The following FRY variants were observed in gnomAD, a reference collection of about 807,000 sequenced individuals.
FRY encodes the protein protein furry homolog.
FRY carries 128 observed loss-of-function variants against 348.4 expected under a neutral mutation model. That is an observed-to-expected ratio of 0.37 (90% CI 0.32 to 0.43). FRY has a LOEUF of 0.43. Among genes scored for constraint, FRY ranks in the 20% least tolerant of loss-of-function variants. FRY has a pLI of 1.00. For synonymous variants in FRY, 1,370 were observed against 1,374.7 expected, an observed-to-expected ratio of 1.00 and a Z score of 0.08; for missense variants, 2,736 against 3,695.2, an observed-to-expected ratio of 0.74 and a Z score of 6.73.
chr13:32,230,573 G>T, intron 40 of FRY, among the ~76,000 whole-genome samples: 1 of 152,182 alleles, frequency 6.6e-6, no homozygotes, highest in East Asian at 1.9e-4. Context: ...GGGCATTTGG[G>T]CTGATTCCGT....
intron 1 of FRY, among the ~76,000 whole-genome samples, chr13:32,072,403 G>A (rs1874721604): frequency 6.6e-6 from 1 of 151,976 alleles, no homozygotes; most frequent in African/African-American, 2.4e-5. Context: ...ACTTCGTTAA[G>A]CAATCTTTTT....
intron 7 of FRY, among the ~76,000 whole-genome samples, chr13:32,127,115 A>G (rs1172651921): frequency 1.3e-5 from 2 of 152,166 alleles, no homozygotes; most frequent in East Asian, 1.9e-4. Context: ...AACAAATTTA[A>G]CTACTTTGGC....
At chr13:32,210,655 G>A (rs1473170266) in intron 33 of FRY, among the ~76,000 whole-genome samples, 1 of 152,156 alleles carries the variant, frequency 6.6e-6, no homozygotes, top group Non-Finnish European at 1.5e-5. Flanking sequence ...AAAGGTAAGG[G>A]CTTTAAGAAC....
chr13:32,289,791 TC>T (rs781540541), intron 59 of FRY, 48 bp downstream of exon 59: 27 of 954,320 alleles, frequency 2.8e-5, no homozygotes, highest in Non-Finnish European at 4.3e-5. Context: ...AAAAACCATT[TC>T]TTTTGTTCTT....
chr13:32,166,547 C>T (rs1881748654), intron 17 of FRY, among the ~76,000 whole-genome samples: 2 of 152,052 alleles, frequency 1.3e-5, no homozygotes, highest in African/African-American at 2.4e-5. Context: ...TATTTTTTTC[C>T]CGCTTTATAA....
Position 32,285,321 on chromosome 13 carries a change from C to A in FRY, c.8470-4312C>A, listed in dbSNP as rs572521480. Among the ~76,000 whole-genome samples, 3 of 152,234 alleles carry A rather than the reference C, an allele frequency of 2.0e-5. No homozygotes were observed. The East Asian group carries it at 5.8e-4, about 29-fold the overall frequency. On this transcript the variant is annotated intron_variant, in intron 58 of 60. Transcript: ENST00000542859. ...GGCTTTTTTCACTCTTTTTGGAACT[C>A]TAAATGCAAACTAGGTCCCAGCCTG...
chr13:32,210,754 C>A, intron 33 of FRY, 112 bp from the exon 34 acceptor site: 2 of 835,252 alleles, frequency 2.4e-6, no homozygotes, highest in African/African-American at 1.7e-5. Context: ...TTAGCTATCA[C>A]GGTGACAGCT....
chr13:32,173,517 C>G lies in FRY; in HGVS notation c.2302C>G (p.Arg768Gly), dbSNP rs17077179. Residue 768 changes from arginine (R) to glycine (G), a missense_variant, in exon 19 of 61, where the codon CGA (arginine) becomes GGA (glycine). This residue lies in a region of FRY where 449 missense variants were observed against 576.9 expected (regional missense o/e 0.78). Coordinates refer to ENST00000542859, the MANE Select transcript of FRY (RefSeq NM_023037.3). ...KLSVLILKEI[R>G]ALFIALGQPE... is the part of the protein sequence containing the mutation. Reference sequence around the variant, plus strand: ...GTCCGTTTTAATACTCAAGGAAATTCGAGCGTTGTTTATTGCCCTGGGGCA... The same window carrying G: ...GTCCGTTTTAATACTCAAGGAAATTGGAGCGTTGTTTATTGCCCTGGGGCA... 4 of 1,613,522 alleles carry G rather than the reference C, an allele frequency of 2.5e-6. No homozygotes were observed. Among genetic ancestry groups the G allele is most frequent in the Non-Finnish European group, 2.5e-6 (3 of 1,179,844 alleles).
At chr13:32,155,205 G>T (rs1047137171) in intron 14 of FRY, among the ~76,000 whole-genome samples, 1 of 152,078 alleles carries the variant, frequency 6.6e-6, no homozygotes, top group Admixed American at 6.5e-5. Flanking sequence ...ATATCTTTTA[G>T]AGATACACTC....
intron 47 of FRY, among the ~76,000 whole-genome samples, chr13:32,246,465 A>G (rs1886805984): frequency 1.3e-5 from 2 of 152,236 alleles, no homozygotes; most frequent in Admixed American, 1.3e-4. Flanking sequence ...AGGGCATAGC[A>G]TGAGTAAAGG....
chr13:32,079,654 A>T (rs1195348921), intron 2 of FRY, among the ~76,000 whole-genome samples: 2 of 152,188 alleles, frequency 1.3e-5, no homozygotes, highest in Admixed American at 1.3e-4. Flanking sequence ...GCTAGAAAAT[A>T]AGGCAGGCAT....
intron 28 of FRY, among the ~76,000 whole-genome samples, chr13:32,188,336 A>C (rs1883144817): frequency 6.6e-6 from 1 of 152,104 alleles, no homozygotes; most frequent in African/African-American, 2.4e-5. Context: ...CCTGAAGAAA[A>C]TTCGTGACTT....
chr13:32,254,100 A>G, intron 50 of FRY, 124 bp from the exon 51 acceptor site: 1 of 886,794 alleles, frequency 1.1e-6, no homozygotes, highest in Non-Finnish European at 1.9e-6. Flanking sequence ...CATTCTAAAA[A>G]TACCCACTGA....
At chr13:32,258,892 G>T (rs151146470) in intron 51 of FRY, among the ~76,000 whole-genome samples, 7 of 152,062 alleles carry the variant, frequency 4.6e-5, no homozygotes, top group African/African-American at 9.7e-5. Flanking sequence ...TAGAACATTT[G>T]GGGGAGTATA....
chr13:32,163,333 C>T (rs1180345144), intron 17 of FRY, among the ~76,000 whole-genome samples: 2 of 152,318 alleles, frequency 1.3e-5, no homozygotes, highest in Admixed American at 6.5e-5. Context: ...CCTCTAAAAG[C>T]CTGAACTTCA....
chr13:32,142,919 G>A (rs907189934), intron 11 of FRY, among the ~76,000 whole-genome samples: 5 of 152,316 alleles, frequency 3.3e-5, no homozygotes, highest in African/African-American at 9.6e-5. Flanking sequence ...CAGAGAGCAG[G>A]GGTGCTTGGT....
intron 1 of FRY, among the ~76,000 whole-genome samples, chr13:32,072,539 A>G (rs1874732990): frequency 6.6e-6 from 1 of 151,996 alleles, no homozygotes; most frequent in Admixed American, 6.5e-5. Flanking sequence ...TTTACTTTAC[A>G]TGACTTTCAG....
intron 58 of FRY, among the ~76,000 whole-genome samples, chr13:32,284,590 A>G (rs1186753843): frequency 6.6e-6 from 1 of 152,216 alleles, no homozygotes; most frequent in East Asian, 1.9e-4. Flanking sequence ...GCTTTGAGGG[A>G]TATTTATGAC....
chr13:32,272,725 G>T (rs1888264509), intron 55 of FRY, among the ~76,000 whole-genome samples: 1 of 151,952 alleles, frequency 6.6e-6, no homozygotes, highest in African/African-American at 2.4e-5. Context: ...TTTTTTGTTT[G>T]TTTGTTTTGG....
Sources: gnomAD v4.1 joint callset for allele counts (sites outside exome capture counted in the v4.1 genomes callset) on GRCh38, gnomAD v4.1.1 for gene constraint, gnomAD v4.1.1 regional missense constraint, MANE v1.5 for transcripts, NCBI Gene and HGNC (gene_info 2026-07-23, HGNC 2026-07-21) for gene names.